TCEA3: variants seen among roughly 807,000 people sequenced by gnomAD.
The protein encoded by TCEA3 is transcription elongation factor A protein 3.
A neutral mutation model predicts 44.0 loss-of-function variants in TCEA3; 36 were observed. The observed-to-expected ratio is 0.82, with a 90% CI of 0.63 to 1.08. The LOEUF (loss-of-function observed/expected upper bound fraction) is 1.08. Ranked by LOEUF, TCEA3 falls within the 50% of genes least tolerant of loss-of-function variation. The pLI, the probability that TCEA3 is intolerant of heterozygous loss-of-function variation, is 0.00. For synonymous variants in TCEA3, 162 were observed against 159.7 expected, an observed-to-expected ratio of 1.01 and a Z score of -0.11; for missense variants, 392 against 441.2, an observed-to-expected ratio of 0.89 and a Z score of 1.00.
At chr1:23,383,279 CAAAAAAA>C (rs10604385) in intron 10 of TCEA3, among the ~76,000 whole-genome samples, 3 of 118,516 alleles carry the variant, frequency 2.5e-5, no homozygotes, top group African/African-American at 9.9e-5. Context: ...GACTCCATCT[CAAAAAAA>C]AAAAAAAAAA....
intron 4 of TCEA3, among the ~76,000 whole-genome samples, 200 bp downstream of exon 4, chr1:23,417,049 T>C (rs1167968167): frequency 6.6e-6 from 1 of 152,228 alleles, no homozygotes; most frequent in Non-Finnish European, 1.5e-5. Flanking sequence ...GCAAAGCCAG[T>C]GCCATTTATG....
intron 9 of TCEA3, among the ~76,000 whole-genome samples, chr1:23,386,872 C>T (rs12082783): frequency 0.035 from 5,259 of 152,306 alleles, 295 homozygotes; most frequent in African/African-American, 0.12. Context: ...AGGTGCCCGC[C>T]ACCACACCCT....
Position 23,381,408 on chromosome 1 carries a change from AG to A in TCEA3, c.*57del. The A allele has an allele frequency of 3.9e-6, 3 of 778,948 alleles. No individual in the cohort carries two copies. The highest frequency in any genetic ancestry group is 7.2e-6 in the Non-Finnish European group (3 of 417,542). The allele number at this position is 778,948 out of a possible 1,614,324, so 48.3% of individuals were successfully genotyped here. On this transcript the variant is annotated 3_prime_UTR_variant, in exon 11 of 11. Coordinates refer to ENST00000450454, the MANE Select transcript of TCEA3 (RefSeq NM_003196.3). ...TTAATTTTTATTGCTTCTCCAGTTC[AG>A]ATAATTCAGCGCTTCCTCTTTCTTC...
intron 5 of TCEA3, among the ~76,000 whole-genome samples, chr1:23,399,144 GTATATATATATATATATATATATATATA>G (rs60424866): frequency 1.6e-5 from 1 of 61,166 alleles, no homozygotes; most frequent in Non-Finnish European, 3.1e-5. Flanking sequence ...ATGTATATAT[GTATATATATATATATATATATATATATA>G]TATATATCCA....
Position 23,401,912 on chromosome 1 carries a change from G to A in TCEA3, c.444-3957C>T, listed in dbSNP as rs571536413. ...AGAATCTAATGCCTGATGATCAGAG[G>A]TGGAACAGTTTCGTCTTGAAACCAT... On this transcript the variant is annotated intron_variant, in intron 5 of 10. Coordinates refer to ENST00000450454, the MANE Select transcript of TCEA3 (RefSeq NM_003196.3). 4.6e-5 allele frequency among the ~76,000 whole-genome samples: 7 copies of A among 152,314 alleles called. No individual in the cohort carries two copies. In the South Asian group the frequency reaches 1.2e-3, roughly 27 times the overall value.
At position 23,417,277 on chromosome 1, in the gene TCEA3, T is replaced by C; in HGVS notation, c.352A>G (p.Arg118Gly). 1 of 1,613,978 alleles carries C rather than the reference T, an allele frequency of 6.2e-7. No individual in the cohort carries two copies. The highest frequency in any genetic ancestry group is 8.5e-7 in the Non-Finnish European group (1 of 1,179,902). The change falls in exon 4 of 11, where the codon AGG (arginine) becomes GGG (glycine). Residue 118 changes from arginine (R) to glycine (G), a missense_variant. Coordinates refer to ENST00000450454, the MANE Select transcript of TCEA3 (RefSeq NM_003196.3). ...WKPEAGLSPP[R>G]KKREDPKTRR... ...GTTTTGGGGTCTTCTCGTTTTTTCCTTGGTGGAGAAAGGCCTGCTTCTGGC... is the reference window on the plus strand; with the variant it reads ...GTTTTGGGGTCTTCTCGTTTTTTCCCTGGTGGAGAAAGGCCTGCTTCTGGC...
At chr1:23,420,676 C>T (rs572644012) in intron 1 of TCEA3, among the ~76,000 whole-genome samples, 88 of 152,258 alleles carry the variant, frequency 5.8e-4, no homozygotes, top group South Asian at 4.1e-4. Flanking sequence ...TAACTTCTCT[C>T]GGGTAAAGAG....
At chr1:23,404,265 T>C in intron 5 of TCEA3, 1 of 687,356 alleles carries the variant, frequency 1.5e-6, no homozygotes, top group South Asian at 1.5e-5. Flanking sequence ...TTCCTGGTAC[T>C]CCAGCTACAG....
At chr1:23,424,455 G>A (rs1640158651) in intron 1 of TCEA3, 110 bp downstream of exon 1, 1 of 975,936 alleles carries the variant, frequency 1.0e-6, no homozygotes, top group East Asian at 2.5e-5. Flanking sequence ...GGGTCCCCGA[G>A]TCCCGTACGC....
chr1:23,384,662 CTTTTT>C (rs11341961), intron 9 of TCEA3, among the ~76,000 whole-genome samples: 18 of 116,474 alleles, frequency 1.5e-4, no homozygotes, highest in African/African-American at 4.7e-4. Context: ...TGCACTTCCG[CTTTTT>C]TTTTTTTTTT....
At position 23,419,934 on chromosome 1, in the gene TCEA3, C is replaced by T. The variant is rs545341812; in HGVS notation, c.70-795G>A. 3.7e-4 allele frequency among the ~76,000 whole-genome samples: 56 copies of T among 152,298 alleles called. No homozygotes were observed. In the South Asian group the frequency reaches 9.5e-3, roughly 26 times the overall value. On this transcript the variant is annotated intron_variant, in intron 1 of 10. Transcript: ENST00000450454. Reference sequence around the variant, plus strand: ...GTAAAATTTGATAAGTTTCAACATACGTGTACACCCATGGAACCCTCACCA... The same window carrying T: ...GTAAAATTTGATAAGTTTCAACATATGTGTACACCCATGGAACCCTCACCA...
intron 8 of TCEA3, among the ~76,000 whole-genome samples, chr1:23,387,788 G>A (rs1314832457): frequency 6.6e-6 from 1 of 152,152 alleles, no homozygotes; most frequent in Non-Finnish European, 1.5e-5. Context: ...CCTGGTCTAT[G>A]ATGTTCCCCT....
chr1:23,384,032 T>C, intron 10 of TCEA3: 2 of 1,203,220 alleles, frequency 1.7e-6, no homozygotes, highest in Non-Finnish European at 2.1e-6. Flanking sequence ...CAGAATGTTT[T>C]TCCTCTCCTC....
intron 5 of TCEA3, among the ~76,000 whole-genome samples, chr1:23,402,758 G>A (rs1639435976): frequency 6.6e-6 from 1 of 152,128 alleles, no homozygotes; most frequent in South Asian, 2.1e-4. Flanking sequence ...AGAGTATTGG[G>A]ACCCTGTCAC....
Position 23,397,870 on chromosome 1 carries a change from G to A in TCEA3, c.529C>T (p.Leu177=), listed in dbSNP as rs774001156. 3 of 1,613,802 alleles carry A rather than the reference G, an allele frequency of 1.9e-6. No homozygotes were observed. The highest frequency in any genetic ancestry group is 2.7e-5 in the African/African-American group (2 of 74,928). Residue 177 remains leucine, a synonymous_variant, in exon 6 of 11, where the codon CTG becomes TTG. Transcript: ENST00000450454. The part of the protein sequence containing the change: ...TPTFASSMCL[L]APCYLTGDSV... Reference sequence around the variant, plus strand: ...TCCCCTGTGAGATAGCAGGGGGCCAGGAGACACATGGAAGAGGCAAACGTG... The same window carrying A: ...TCCCCTGTGAGATAGCAGGGGGCCAAGAGACACATGGAAGAGGCAAACGTG...
chr1:23,399,175 T>TATATATAG, intron 5 of TCEA3, among the ~76,000 whole-genome samples: 1 of 142,300 alleles, frequency 7.0e-6, no homozygotes, highest in Non-Finnish European at 1.5e-5. Context: ...TATATATATA[T>TATATATAG]ATATCCATAT....
intron 10 of TCEA3, among the ~76,000 whole-genome samples, chr1:23,383,204 TG>T (rs1325560864): frequency 2.8e-5 from 4 of 144,098 alleles, no homozygotes; most frequent in African/African-American, 1.1e-4. Flanking sequence ...GGTGTGAACC[TG>T]GGGGGTGGAG....
chr1:23,415,551 G>C (rs575297836), intron 4 of TCEA3, among the ~76,000 whole-genome samples: 1 of 152,286 alleles, frequency 6.6e-6, no homozygotes, highest in East Asian at 1.9e-4. Flanking sequence ...TAACCACACA[G>C]GTGCTCCAGA....
At chr1:23,394,164 T>C in intron 7 of TCEA3, 131 bp from the exon 8 acceptor site, 3 of 1,100,950 alleles carry the variant, frequency 2.7e-6, no homozygotes, top group Non-Finnish European at 2.5e-6. Flanking sequence ...GGCCCCTCTT[T>C]TGTGACCTCT....
Sources: allele counts gnomAD v4.1 joint callset (sites outside exome capture counted in the v4.1 genomes callset), GRCh38; gene constraint gnomAD v4.1.1; transcripts MANE v1.5; gene names NCBI Gene and HGNC (gene_info 2026-07-23, HGNC 2026-07-21).